PCDHA3: variants seen among roughly 807,000 people sequenced by gnomAD.
PCDHA3 encodes protocadherin alpha-3.
A neutral mutation model predicts 62.2 loss-of-function variants in PCDHA3; 41 were observed. That is an observed-to-expected ratio of 0.66 (90% CI 0.51 to 0.86). The LOEUF is 0.86. Among genes scored for constraint, PCDHA3 ranks in the 40% least tolerant of loss-of-function variants. The pLI is 0.00. For synonymous variants in PCDHA3, 640 were observed against 555.4 expected (o/e 1.15, Z -2.14); for missense variants, 1,304 against 1,241.2 (o/e 1.05, Z -0.76).
At chr5:140,836,558 GC>G (rs1274646840) in intron 1 of PCDHA3, 7 of 1,613,642 alleles carry the variant, frequency 4.3e-6, no homozygotes, top group Non-Finnish European at 5.9e-6. Flanking sequence ...GGTGCTCAGC[GC>G]CGTCCTCTGA....
intron 1 of PCDHA3, chr5:140,858,475 GAAT>G (rs2045440906): frequency 2.0e-6 from 3 of 1,517,006 alleles, no homozygotes; most frequent in East Asian, 4.9e-5. Context: ...TGTGCTTTAT[GAAT>G]AATATTTTCT....
intron 1 of PCDHA3, among the ~76,000 whole-genome samples, chr5:140,953,733 TG>T (rs1449457533): frequency 2.6e-5 from 4 of 152,200 alleles, no homozygotes; most frequent in Admixed American, 6.5e-5. Context: ...TTGAAATTTT[TG>T]CTTAACATTA....
intron 1 of PCDHA3, chr5:140,871,083 C>A: frequency 1.1e-5 from 18 of 1,613,186 alleles, no homozygotes; most frequent in Non-Finnish European, 1.4e-5. Flanking sequence ...CGCTGACGGC[C>A]ACGGCCACCG....
intron 1 of PCDHA3, among the ~76,000 whole-genome samples, chr5:140,978,370 A>T (rs78042832): frequency 6.6e-6 from 1 of 152,200 alleles, no homozygotes; most frequent in Non-Finnish European, 1.5e-5. Context: ...AAACTCTGCA[A>T]TAGTTTGTTT....
Position 141,010,415 on chromosome 5 carries a change from C to T in PCDHA3, c.*478C>T. ...ACGAGCCAGCTTAGACTAATTGGTA[C>T]AAGGAAGGCAAGAAAACAAAGACAA... On this transcript the variant is annotated 3_prime_UTR_variant, in exon 4 of 4. Transcript: ENST00000522353. 1 of 1,160,734 alleles carries T rather than the reference C, an allele frequency of 8.6e-7. No homozygotes were observed. 71.9% of individuals were successfully genotyped at this position (1,160,734 alleles called of 1,614,324 possible).
intron 1 of PCDHA3, among the ~76,000 whole-genome samples, chr5:140,941,126 G>T (rs1194807243): frequency 6.6e-6 from 1 of 151,906 alleles, no homozygotes; most frequent in Non-Finnish European, 1.5e-5. Flanking sequence ...GTCCTTTGAA[G>T]TTCCAGCTTA....
At chr5:140,871,205 T>C (rs1554165267) in intron 1 of PCDHA3, 3 of 1,613,774 alleles carry the variant, frequency 1.9e-6, no homozygotes, top group Admixed American at 3.3e-5. Flanking sequence ...TACCTGATCA[T>C]CGCCATCTGC....
At chr5:140,826,611 A>G (rs1466562195) in intron 1 of PCDHA3, among the ~76,000 whole-genome samples, 1 of 152,158 alleles carries the variant, frequency 6.6e-6, no homozygotes, top group Non-Finnish European at 1.5e-5. Flanking sequence ...ATTAAGGGCG[A>G]AGTTGATATT....
In PCDHA3 at chr5:140,840,812, T is replaced by A. The variant is rs147965957; in HGVS notation, c.2394+37221T>A. On this transcript the variant is annotated intron_variant, in intron 1 of 3. Transcript: ENST00000522353. ...CTCACCTCAGAGTAATATATACCAG[T>A]GTTTCTGGTGACCAAATAAATATTA... 9.5e-4 allele frequency among the ~76,000 whole-genome samples: 144 copies of A among 152,170 alleles called. 3 individuals carry two copies. The highest frequency in any genetic ancestry group is 3.3e-3 in the African/African-American group (139 of 41,494).
At chr5:140,923,423 G>T (rs533295733) in intron 1 of PCDHA3, among the ~76,000 whole-genome samples, 1 of 152,260 alleles carries the variant, frequency 6.6e-6, no homozygotes, top group East Asian at 1.9e-4. Context: ...GGCTACTTGG[G>T]AGGCTGGGGT....
chr5:140,806,955 T>G, intron 1 of PCDHA3: 2 of 588,100 alleles, frequency 3.4e-6, no homozygotes, highest in Non-Finnish European at 3.0e-6. Flanking sequence ...TGTGTGGGGG[T>G]TTCCACAATT....
intron 1 of PCDHA3, chr5:140,848,245 A>G: frequency 2.2e-6 from 1 of 452,154 alleles, no homozygotes; most frequent in Non-Finnish European, 3.9e-6. Context: ...AGTTTTGCAG[A>G]ATAACTGTGA....
At position 140,803,198 on chromosome 5, in the gene PCDHA3, G is replaced by T; in HGVS notation, c.2001G>T (p.Val667=). The change falls in exon 1 of 4, where the codon GTG becomes GTT. Residue 667 remains valine, a synonymous_variant. Coordinates refer to ENST00000522353, the MANE Select transcript of PCDHA3 (RefSeq NM_018906.3). ...TGACCGCCACGGCCACTGTGCTGGTGTCGCTGGTGGAGAGTGGCCAGGCAC... is the reference window on the plus strand; with the variant it reads ...TGACCGCCACGGCCACTGTGCTGGTTTCGCTGGTGGAGAGTGGCCAGGCAC... ...PSLTATATVL[V]SLVESGQAPK... The T allele has an allele frequency of 6.2e-7, 1 of 1,613,910 alleles. No individual in the cohort carries two copies. Among genetic ancestry groups the T allele is most frequent in the Non-Finnish European group, 8.5e-7 (1 of 1,179,932 alleles).
rs553967078 is a variant in PCDHA3, at chr5:140,856,258, C to T, written c.2394+52667C>T. 103 of 1,598,068 alleles carry T rather than the reference C, an allele frequency of 6.4e-5. 11 individuals carry two copies. The highest frequency in any genetic ancestry group is 2.7e-4 in the Admixed American group (16 of 59,260). On this transcript the variant is annotated intron_variant, in intron 1 of 3. Transcript: ENST00000522353. Reference sequence around the variant, plus strand: ...TGTTCCGGGTGGCGTCCAAAAGACACGGGGACCTTCTGGAGGTAAATCTGC... The same window carrying T: ...TGTTCCGGGTGGCGTCCAAAAGACATGGGGACCTTCTGGAGGTAAATCTGC...
At chr5:140,833,751 A>AACACAC (rs34569136) in intron 1 of PCDHA3, among the ~76,000 whole-genome samples, 39 of 151,358 alleles carry the variant, frequency 2.6e-4, no homozygotes, top group Middle Eastern at 3.4e-3. Context: ...CTAAAAAGAA[A>AACACAC]ACACACACAC....
chr5:140,870,805 C>T, intron 1 of PCDHA3: 4 of 1,613,712 alleles, frequency 2.5e-6, no homozygotes, highest in Non-Finnish European at 3.4e-6. Flanking sequence ...GCTGGCGACT[C>T]AGGCTGGCAG....
chr5:140,846,229 T>C (rs1166020827), intron 1 of PCDHA3, among the ~76,000 whole-genome samples: 1 of 149,582 alleles, frequency 6.7e-6, no homozygotes, highest in Non-Finnish European at 1.5e-5. Context: ...GTATTTTTCT[T>C]AAAAAGAAGT....
intron 3 of PCDHA3, among the ~76,000 whole-genome samples, chr5:141,000,419 ATATTTTT>A (rs1397100244): frequency 3.9e-4 from 24 of 60,984 alleles, no homozygotes; most frequent in African/African-American, 1.8e-3. Flanking sequence ...ATATATATAT[ATATTTTT>A]TTTTTTTTTT....
intron 1 of PCDHA3, chr5:140,835,863 C>A (rs1214782595): frequency 1.2e-6 from 2 of 1,611,982 alleles, no homozygotes; most frequent in East Asian, 2.2e-5. Flanking sequence ...GTCCTACTCG[C>A]TGGTGGAGCT....
Sources: allele counts gnomAD v4.1 joint callset (sites outside exome capture counted in the v4.1 genomes callset), GRCh38; gene constraint gnomAD v4.1.1; transcripts MANE v1.5; gene names NCBI Gene and HGNC (gene_info 2026-07-23, HGNC 2026-07-21).